The following CFAP70 variants were observed in gnomAD, a reference collection of about 807,000 sequenced individuals.
The protein encoded by CFAP70 is cilia- and flagella-associated protein 70.
CFAP70 carries 81 observed loss-of-function variants against 137.6 expected under a neutral mutation model. The ratio of observed to expected loss-of-function variants is 0.59; its 90% CI spans 0.49 to 0.71. CFAP70 has a LOEUF of 0.71. Among genes scored for constraint, CFAP70 ranks in the 30% least tolerant of loss-of-function variants. CFAP70 has a pLI of 0.00. For missense variants in CFAP70, 976 were observed against 1,226.7 expected (o/e 0.80, Z 3.05); for synonymous variants, 382 against 423.6 (o/e 0.90, Z 1.20).
At chr10:73,280,526 G>C (rs367586359) in intron 19 of CFAP70, among the ~76,000 whole-genome samples, 1 of 152,060 alleles carries the variant, frequency 6.6e-6, no homozygotes, top group Non-Finnish European at 1.5e-5. Flanking sequence ...ATATTTAATA[G>C]AATACACTAA....
Position 73,354,807 on chromosome 10 carries a change from G to A in CFAP70, c.-11C>T, listed in dbSNP as rs756666629. ...TGGCACTTGCTCCATATCACCAACT[G>A]GGAAAAGTCCCTCTGTTTTCTTTGG... On this transcript the variant is annotated 5_prime_UTR_variant, in exon 2 of 27. Transcript: ENST00000310715. The A allele has an allele frequency of 9.9e-6, 16 of 1,613,298 alleles. No individual in the cohort carries two copies. The South Asian group carries it at 1.8e-4, about 18-fold the overall frequency.
At chr10:73,321,217 G>A (rs1187390451) in intron 9 of CFAP70, among the ~76,000 whole-genome samples, 1 of 152,002 alleles carries the variant, frequency 6.6e-6, no homozygotes, top group African/African-American at 2.4e-5. Context: ...AGGAGTTTAA[G>A]ACCAGCCTGT....
At chr10:73,343,988 T>A (rs1331421932) in intron 5 of CFAP70, among the ~76,000 whole-genome samples, 2 of 151,480 alleles carry the variant, frequency 1.3e-5, no homozygotes, top group Non-Finnish European at 2.9e-5. Context: ...TGAGATGGCG[T>A]TTCACTCGTT....
chr10:73,292,048 C>T (rs755400360), intron 16 of CFAP70, 34 bp from the exon 18 acceptor site: 1 of 1,610,272 alleles, frequency 6.2e-7, no homozygotes, highest in Non-Finnish European at 8.5e-7. Context: ...TATTGTGATA[C>T]TATGTCCTAT....
intron 9 of CFAP70, among the ~76,000 whole-genome samples, chr10:73,317,174 T>A (rs1233541367): frequency 1.3e-5 from 2 of 152,142 alleles, no homozygotes; most frequent in African/African-American, 4.8e-5. Context: ...CACGCCACCA[T>A]GCCCAGGTAA....
At chr10:73,355,548 C>T (rs113983851) in intron 1 of CFAP70, among the ~76,000 whole-genome samples, 3,951 of 152,190 alleles carry the variant, frequency 0.026, 73 homozygotes, top group South Asian at 0.052. Flanking sequence ...GAAGGCGAGG[C>T]GGGCGGATCA....
chr10:73,313,033 G>C (rs2050045365), intron 9 of CFAP70, among the ~76,000 whole-genome samples: 1 of 152,074 alleles, frequency 6.6e-6, no homozygotes, highest in South Asian at 2.1e-4. Flanking sequence ...AGACCAGCCT[G>C]GGTAAAATAG....
chr10:73,317,300 G>C (rs2050473133), intron 9 of CFAP70, among the ~76,000 whole-genome samples: 1 of 152,186 alleles, frequency 6.6e-6, no homozygotes, highest in South Asian at 2.1e-4. Flanking sequence ...TTACAGGCAT[G>C]AGCCACCGCA....
intron 25 of CFAP70, among the ~76,000 whole-genome samples, chr10:73,265,195 G>A (rs1395200038): frequency 3.3e-5 from 5 of 151,908 alleles, no homozygotes; most frequent in South Asian, 2.1e-4. Context: ...CGTGGTGGCC[G>A]GCGCCTGTAG....
intron 7 of CFAP70, among the ~76,000 whole-genome samples, chr10:73,332,851 T>C (rs895471028): frequency 1.3e-5 from 2 of 152,134 alleles, no homozygotes. Flanking sequence ...CAATATATAA[T>C]GGCTAGCTTC....
At chr10:73,303,591 G>GA (rs11315929) in intron 12 of CFAP70, among the ~76,000 whole-genome samples, 405 of 147,092 alleles carry the variant, frequency 2.8e-3, no homozygotes, top group Non-Finnish European at 4.2e-3. Flanking sequence ...AAATGCCTTT[G>GA]AAAAAAAAAA....
chr10:73,359,747 G>A (rs757135840), upstream of CFAP70, among the ~76,000 whole-genome samples: 5 of 152,066 alleles, frequency 3.3e-5, no homozygotes, highest in African/African-American at 9.7e-5. Flanking sequence ...ATAGAATACT[G>A]GCGTGATTTT....
chr10:73,304,225 T>C (rs2049191442), intron 12 of CFAP70, among the ~76,000 whole-genome samples: 1 of 152,170 alleles, frequency 6.6e-6, no homozygotes, highest in Non-Finnish European at 1.5e-5. Flanking sequence ...GGCTAATTTT[T>C]ATATTTTTAG....
chr10:73,342,126 C>A (rs1564873373), intron 5 of CFAP70, among the ~76,000 whole-genome samples: 1 of 152,008 alleles, frequency 6.6e-6, no homozygotes, highest in African/African-American at 2.4e-5. Context: ...AGTATACTTG[C>A]AGTAGAAAAT....
intron 6 of CFAP70, among the ~76,000 whole-genome samples, chr10:73,339,101 T>C (rs1490559780): frequency 6.6e-6 from 1 of 151,950 alleles, no homozygotes; most frequent in Non-Finnish European, 1.5e-5. Context: ...GTATTTTTAG[T>C]AGAGACAGAG....
intron 10 of CFAP70, 114 bp from the exon 12 acceptor site, chr10:73,312,028 G>T: frequency 1.2e-6 from 1 of 801,936 alleles, no homozygotes; most frequent in South Asian, 1.6e-5. Context: ...CCATAAAAAA[G>T]AATGAGTTTG....
chr10:73,327,516 G>C (rs1434831989), intron 8 of CFAP70, among the ~76,000 whole-genome samples: 1 of 151,588 alleles, frequency 6.6e-6, no homozygotes. Context: ...GGAAATAAAG[G>C]GTATTCAATT....
intron 9 of CFAP70, among the ~76,000 whole-genome samples, chr10:73,317,975 T>C (rs1179443763): frequency 6.6e-6 from 1 of 152,174 alleles, no homozygotes; most frequent in Non-Finnish European, 1.5e-5. Flanking sequence ...GGCACCGCTC[T>C]CCTCTCTTTT....
intron 7 of CFAP70, among the ~76,000 whole-genome samples, chr10:73,333,385 A>G (rs2052323662): frequency 6.6e-6 from 1 of 152,118 alleles, no homozygotes; most frequent in South Asian, 2.1e-4. Flanking sequence ...TAACTGACAG[A>G]CACCAAACCA....
Sources: gnomAD v4.1 joint callset for allele counts (sites outside exome capture counted in the v4.1 genomes callset) on GRCh38, gnomAD v4.1.1 for gene constraint, MANE v1.5 for transcripts, NCBI Gene and HGNC (gene_info 2026-07-23, HGNC 2026-07-21) for gene names.